PCDHGB2: variants seen among roughly 807,000 people sequenced by gnomAD.
PCDHGB2 encodes the protein protocadherin gamma-B2.
Under a neutral mutation model 59.3 loss-of-function variants are expected in PCDHGB2, and 55 were observed. That is an observed-to-expected ratio of 0.93 (90% CI 0.75 to 1.16). The LOEUF is 1.16. PCDHGB2 is among the 50% of genes most tolerant of loss of function. The pLI, the probability that PCDHGB2 is intolerant of heterozygous loss-of-function variation, is 0.00. For synonymous variants in PCDHGB2, 516 were observed against 512.0 expected (o/e 1.01, Z -0.11); for missense variants, 1,228 against 1,198.5 (o/e 1.02, Z -0.36).
intron 1 of PCDHGB2, among the ~76,000 whole-genome samples, chr5:141,434,935 T>C (rs952530533): frequency 6.6e-6 from 1 of 151,788 alleles, no homozygotes; most frequent in Non-Finnish European, 1.5e-5. Flanking sequence ...TTTTATATAA[T>C]AGATATAATT....
At position 141,460,912 on chromosome 5, in the gene PCDHGB2, G is replaced by GTA. The variant is rs34683754; in HGVS notation, c.2422-33883_2422-33882dup. ...TCGTGGCTGAGTAATATTCCATGGT[G>GTA]TATATATATATATGTGTGTGTGTAT... On this transcript the variant is annotated intron_variant, in intron 1 of 3. Coordinates refer to ENST00000522605, the MANE Select transcript of PCDHGB2 (RefSeq NM_018923.3). Among the ~76,000 whole-genome samples, 731 of 149,318 alleles carry GTA rather than the reference G, an allele frequency of 4.9e-3. 9 individuals carry two copies. Among genetic ancestry groups the GTA allele is most frequent in the African/African-American group, 0.016 (631 of 40,624 alleles).
rs368792885 is a variant in PCDHGB2, at chr5:141,394,552, G to A, written c.2421+31996G>A. 7.4e-5 allele frequency: 119 copies of A among 1,613,952 alleles called. No homozygotes were observed. Among genetic ancestry groups the A allele is most frequent in the Admixed American group, 8.3e-5 (5 of 60,012 alleles). On this transcript the variant is annotated intron_variant, in intron 1 of 3. Transcript: ENST00000522605. ...TCCACTGGCGTGGAGCTGGCGCCCCGCTCCGCAGAGCGTGGCTACCTGGTG... is the reference window on the plus strand; with the variant it reads ...TCCACTGGCGTGGAGCTGGCGCCCCACTCCGCAGAGCGTGGCTACCTGGTG...
At chr5:141,392,987 G>T in intron 1 of PCDHGB2, 1 of 1,613,930 alleles carries the variant, frequency 6.2e-7, no homozygotes. Context: ...ACCCCCGGAA[G>T]CTGGCGAAGC....
intron 1 of PCDHGB2, chr5:141,419,144 A>G: frequency 6.2e-7 from 1 of 1,613,940 alleles, no homozygotes; most frequent in South Asian, 1.1e-5. Context: ...AGACAGGGGC[A>G]AGCCTCCGTT....
At chr5:141,441,703 A>C (rs1329703451) in intron 1 of PCDHGB2, 2 of 312,092 alleles carry the variant, frequency 6.4e-6, no homozygotes, top group Non-Finnish European at 1.3e-5. Context: ...CGAGCCTTCA[A>C]GCTCACGCTG....
chr5:141,415,823 G>T (rs529200891), intron 1 of PCDHGB2: 1 of 1,316,022 alleles, frequency 7.6e-7, no homozygotes, highest in East Asian at 2.8e-5. Context: ...ATATCATAAG[G>T]CTTTGTTATG....
At chr5:141,365,941 T>A (rs1175439180) in intron 1 of PCDHGB2, 1 of 1,614,152 alleles carries the variant, frequency 6.2e-7, no homozygotes, top group East Asian at 2.2e-5. Context: ...CCAGCGACAG[T>A]GGGAACCCTC....
At chr5:141,419,424 A>G (rs1197238939) in intron 1 of PCDHGB2, 1 of 1,613,230 alleles carries the variant, frequency 6.2e-7, no homozygotes, top group Admixed American at 1.7e-5. Flanking sequence ...GCCTTCGACC[A>G]CGAGCAGCTG....
At chr5:141,422,330 CTCT>C in intron 1 of PCDHGB2, 1 of 1,548,166 alleles carries the variant, frequency 6.5e-7, no homozygotes, top group East Asian at 2.2e-5. Context: ...ACAGTGATTG[CTCT>C]TCTAAATGTG....
At chr5:141,460,341 C>T (rs557699438) in intron 1 of PCDHGB2, among the ~76,000 whole-genome samples, 39 of 152,110 alleles carry the variant, frequency 2.6e-4, no homozygotes, top group Admixed American at 2.4e-3. Flanking sequence ...ATGATTTTCT[C>T]CTATATTTTC....
chr5:141,373,336 T>C (rs1769491453), intron 1 of PCDHGB2, among the ~76,000 whole-genome samples: 1 of 152,216 alleles, frequency 6.6e-6, no homozygotes, highest in South Asian at 2.1e-4. Flanking sequence ...GCATCTAAAA[T>C]GGCAACTCTT....
intron 1 of PCDHGB2, chr5:141,422,603 C>G: frequency 6.2e-7 from 1 of 1,614,078 alleles, no homozygotes; most frequent in Non-Finnish European, 8.5e-7. Context: ...TCCTCTTACT[C>G]TGCCTACATT....
intron 1 of PCDHGB2, chr5:141,382,898 C>T (rs938652730): frequency 6.5e-7 from 1 of 1,541,064 alleles, no homozygotes. Context: ...AGCAGGACGA[C>T]TATGGCGGCT....
chr5:141,431,049 T>C lies in PCDHGB2; in HGVS notation c.2422-63758T>C, dbSNP rs1226000576. On this transcript the variant is annotated intron_variant, in intron 1 of 3. Coordinates refer to ENST00000522605, the MANE Select transcript of PCDHGB2 (RefSeq NM_018923.3). The surrounding 1 kb of genome is among the most constrained non-coding windows in gnomAD (Gnocchi z 4.8). Reference sequence around the variant, plus strand: ...AGGATAGACCGGGAGGAGCTCTGTATGGGGGCCATCAAGTGTCAATTAAAT... The same window carrying C: ...AGGATAGACCGGGAGGAGCTCTGTACGGGGGCCATCAAGTGTCAATTAAAT... The C allele has an allele frequency of 6.2e-7, 1 of 1,614,162 alleles. No homozygotes were observed. Among genetic ancestry groups the C allele is most frequent in the Non-Finnish European group, 8.5e-7 (1 of 1,180,014 alleles).
chr5:141,365,897 G>C, intron 1 of PCDHGB2: 1 of 1,614,214 alleles, frequency 6.2e-7, no homozygotes, highest in East Asian at 2.2e-5. Flanking sequence ...CTTCGACTAT[G>C]AGCAGTTGAG....
chr5:141,388,384 T>G, intron 1 of PCDHGB2: 3 of 1,614,014 alleles, frequency 1.9e-6, no homozygotes, highest in Non-Finnish European at 2.5e-6. Context: ...AGCAACACAC[T>G]GCAGAATTAC....
At chr5:141,368,303 C>T (rs981191656) in intron 1 of PCDHGB2, among the ~76,000 whole-genome samples, 2 of 152,066 alleles carry the variant, frequency 1.3e-5, no homozygotes, top group Non-Finnish European at 2.9e-5. Flanking sequence ...TTTTTAAACA[C>T]TGTTAAAGAG....
In PCDHGB2 at chr5:141,429,386, T is replaced by A. The variant is rs534045300; in HGVS notation, c.2422-65421T>A. Among the ~76,000 whole-genome samples the A allele has an allele frequency of 4.0e-3, 602 of 151,936 alleles. 6 individuals carry two copies. The highest frequency in any genetic ancestry group is 0.011 in the Admixed American group (171 of 15,268). On this transcript the variant is annotated intron_variant, in intron 1 of 3. Coordinates refer to ENST00000522605, the MANE Select transcript of PCDHGB2 (RefSeq NM_018923.3). ...AAAATGGAGAAAATGTGTTTTTTTTTTAAAAAAAATTGAGATTAAGGTCTC... is the reference window on the plus strand; with the variant it reads ...AAAATGGAGAAAATGTGTTTTTTTTATAAAAAAAATTGAGATTAAGGTCTC...
intron 1 of PCDHGB2, chr5:141,375,284 TATTATCGATTAGTGACAA>T: frequency 3.1e-6 from 5 of 1,613,832 alleles, no homozygotes; most frequent in Non-Finnish European, 4.2e-6. Context: ...AGTTGGCAAT[TATTATCGATTAGTGACAA>T]ATGCAGCTCT....
Sources: allele counts gnomAD v4.1 joint callset (sites outside exome capture counted in the v4.1 genomes callset), GRCh38; gene constraint gnomAD v4.1.1; non-coding constraint Gnocchi (gnomAD v3.1); transcripts MANE v1.5; gene names NCBI Gene and HGNC (gene_info 2026-07-23, HGNC 2026-07-21).